The following XRN1 variants were observed in gnomAD, a reference collection of about 807,000 sequenced individuals.
The protein encoded by XRN1 is 5'-3' exoribonuclease 1.
In XRN1, 67 loss-of-function variants were observed where a neutral mutation model predicts 222.3. That is an observed-to-expected ratio of 0.30 (90% CI 0.25 to 0.37). The LOEUF (loss-of-function observed/expected upper bound fraction) is 0.37. XRN1 is among the 10% of genes least tolerant of loss of function. The pLI is 1.00. For synonymous variants in XRN1, 643 were observed against 652.4 expected, an observed-to-expected ratio of 0.99 and a Z score of 0.22; for missense variants, 1,707 against 2,000.2, an observed-to-expected ratio of 0.85 and a Z score of 2.80.
chr3:142,399,865 T>C (rs950097037), intron 19 of XRN1, among the ~76,000 whole-genome samples: 2 of 150,512 alleles, frequency 1.3e-5, no homozygotes, highest in Non-Finnish European at 3.0e-5. Flanking sequence ...TATCTACCCA[T>C]CTTCTCTGAA....
chr3:142,385,592 T>C (rs1456205887), intron 20 of XRN1, among the ~76,000 whole-genome samples: 1 of 152,168 alleles, frequency 6.6e-6, no homozygotes, highest in Non-Finnish European at 1.5e-5. Context: ...AGTTGAGTAG[T>C]TGTGACAGAC....
chr3:142,420,933 A>G, intron 10 of XRN1, 83 bp downstream of exon 10: 9 of 1,573,360 alleles, frequency 5.7e-6, no homozygotes, highest in South Asian at 1.1e-5. Context: ...ATCCCAAATC[A>G]TAAGAAGGAA....
intron 37 of XRN1, among the ~76,000 whole-genome samples, chr3:142,319,869 A>G (rs909386880): frequency 6.6e-6 from 1 of 152,022 alleles, no homozygotes; most frequent in Non-Finnish European, 1.5e-5. Flanking sequence ...ATAATATTAC[A>G]TGGTGTGTGT....
intron 13 of XRN1, among the ~76,000 whole-genome samples, chr3:142,416,337 C>T (rs1196011880): frequency 6.6e-6 from 1 of 152,108 alleles, no homozygotes; most frequent in Non-Finnish European, 1.5e-5. Flanking sequence ...GGCACACCAC[C>T]ATGCCCAGCT....
chr3:142,361,422 G>T lies in XRN1; in HGVS notation c.3395-1491C>A, dbSNP rs575031817. On this transcript the variant is annotated intron_variant, in intron 29 of 40. Coordinates refer to ENST00000392981, the MANE Select transcript of XRN1 (RefSeq NM_001282857.2). The stretch of plus-strand genomic sequence containing the variant: ...TAAATACCCACCTATGAATGGGATG[G>T]CTGGGCCCTATGCTATGATGTATGT... 4.6e-5 allele frequency among the ~76,000 whole-genome samples: 7 copies of T among 152,288 alleles called. 1 individual carries two copies. In the South Asian group the frequency reaches 1.5e-3, roughly 32 times the overall value.
Position 142,414,146 on chromosome 3 carries a change from C to T in XRN1, c.1582G>A (p.Ala528Thr), listed in dbSNP as rs1290168734. 2 of 1,611,850 alleles carry T rather than the reference C, an allele frequency of 1.2e-6. No individual in the cohort carries two copies. The highest frequency in any genetic ancestry group is 1.7e-6 in the Non-Finnish European group (2 of 1,179,064). The change falls in exon 14 of 41, where the codon GCA (alanine) becomes ACA (threonine). Residue 528 changes from alanine to threonine, a missense_variant. Ala to Thr is a moderately conservative substitution (Grantham distance 58). Transcript: ENST00000392981. ...LPAASKNLLP[A>T]CYQHLMTNED... ...ATTCTAAGACCCACCTGGTAGCATG[C>T]AGGAAGTAAATTTTTGCTGGCTGCT...
At chr3:142,352,124 A>G (rs1350879219) in intron 32 of XRN1, among the ~76,000 whole-genome samples, 1 of 152,198 alleles carries the variant, frequency 6.6e-6, no homozygotes, top group African/African-American at 2.4e-5. Flanking sequence ...CTTGGCCTAA[A>G]TTAACCTTCT....
intron 32 of XRN1, among the ~76,000 whole-genome samples, chr3:142,351,213 T>C (rs2066295656): frequency 6.6e-6 from 1 of 152,188 alleles, no homozygotes; most frequent in Non-Finnish European, 1.5e-5. Context: ...TCCAATAATT[T>C]AGCCCTAGAG....
At chr3:142,385,985 T>C (rs1206323191) in intron 20 of XRN1, among the ~76,000 whole-genome samples, 1 of 151,252 alleles carries the variant, frequency 6.6e-6, no homozygotes, top group East Asian at 1.9e-4. Context: ...TATAATATAG[T>C]ATATAATTAT....
intron 13 of XRN1, among the ~76,000 whole-genome samples, chr3:142,416,233 G>A (rs929540642): frequency 2.0e-5 from 3 of 152,134 alleles, no homozygotes; most frequent in African/African-American, 7.2e-5. Context: ...CTGGAGTGCA[G>A]TGGTGCGATC....
chr3:142,371,238 C>A lies in XRN1; in HGVS notation c.3068+1G>T. ...TAATAAATATCATAAATCTTGCTTA[C>A]CCATTCTCATTTTCTCCAGGCCAAA... On this transcript the variant is annotated splice_donor_variant, in intron 26 of 40. Transcript: ENST00000392981. LOFTEE classifies it high-confidence loss of function. 5 of 1,611,576 alleles carry A rather than the reference C, an allele frequency of 3.1e-6. No individual in the cohort carries two copies. Among genetic ancestry groups the A allele is most frequent in the Non-Finnish European group, 4.2e-6 (5 of 1,178,682 alleles).
intron 15 of XRN1, among the ~76,000 whole-genome samples, chr3:142,410,687 G>T (rs911473392): frequency 1.3e-5 from 2 of 151,754 alleles, no homozygotes; most frequent in African/African-American, 2.4e-5. Flanking sequence ...GTGGAGACGA[G>T]ATTTAATCTT....
At chr3:142,343,912 G>C (rs76589055) in intron 33 of XRN1, among the ~76,000 whole-genome samples, 4,950 of 152,214 alleles carry the variant, frequency 0.033, 251 homozygotes, top group African/African-American at 0.11. Context: ...CATAAAAAAA[G>C]AATGAGATCC....
intron 1 of XRN1, among the ~76,000 whole-genome samples, chr3:142,435,757 C>T (rs1288486002): frequency 1.6e-5 from 2 of 124,464 alleles, no homozygotes; most frequent in African/African-American, 7.2e-5. Context: ...ACTGTCCCCA[C>T]CCCCCAAAAA....
Position 142,329,574 on chromosome 3 carries a change from T to C in XRN1, c.4264A>G (p.Asn1422Asp). The change falls in exon 37 of 41, where the codon AAT (asparagine) becomes GAT (aspartate). Residue 1422 changes from asparagine to aspartate, a missense_variant. Transcript: ENST00000392981. ...NKPHSANEYH[N>D]VQSMDNMCWP... ...CACATATTGTCCATAGACTGAACATTATGGTACTCATTAGCACTGTGAGGC... is the reference window on the plus strand; with the variant it reads ...CACATATTGTCCATAGACTGAACATCATGGTACTCATTAGCACTGTGAGGC... 2 of 1,577,276 alleles carry C rather than the reference T, an allele frequency of 1.3e-6. No individual in the cohort carries two copies. Among genetic ancestry groups the C allele is most frequent in the South Asian group, 2.4e-5 (2 of 83,698 alleles).
intron 32 of XRN1, among the ~76,000 whole-genome samples, chr3:142,349,352 T>C (rs958426841): frequency 6.6e-6 from 1 of 152,078 alleles, no homozygotes; most frequent in Non-Finnish European, 1.5e-5. Flanking sequence ...TTATGGGTGA[T>C]TTTGACTCTA....
chr3:142,343,040 T>C (rs2066040585), intron 33 of XRN1, among the ~76,000 whole-genome samples: 1 of 152,034 alleles, frequency 6.6e-6, no homozygotes, highest in South Asian at 2.1e-4. Context: ...AGATGGATAA[T>C]AACCAGAATA....
In XRN1 at chr3:142,306,774, C is replaced by T. The variant is rs909592521; in HGVS notation, c.*4737G>A. ...TAACGTAACACCACAAAAATACATT[C>T]GGAGTCCATTCCAATGCAAGTTTAA... On this transcript the variant is annotated 3_prime_UTR_variant, in exon 41 of 41. Transcript: ENST00000392981. 4.6e-5 allele frequency: 7 copies of T among 152,578 alleles called. No individual in the cohort carries two copies. Among genetic ancestry groups the T allele is most frequent in the East Asian group, 1.9e-4 (1 of 5,202 alleles). The allele number at this position is 152,578 out of a possible 1,614,324, so 9.5% of individuals were successfully genotyped here. A position where few individuals can be genotyped will look rare whatever the true frequency, so the allele number is the denominator to read the frequency against.
intron 20 of XRN1, among the ~76,000 whole-genome samples, chr3:142,391,356 T>A (rs1335847852): frequency 6.6e-6 from 1 of 152,146 alleles, no homozygotes; most frequent in Non-Finnish European, 1.5e-5. Context: ...AATTCCCAAG[T>A]GGTTGGAAGA....
Sources: allele counts gnomAD v4.1 joint callset (sites outside exome capture counted in the v4.1 genomes callset), GRCh38; gene constraint gnomAD v4.1.1; transcripts MANE v1.5; gene names NCBI Gene and HGNC (gene_info 2026-07-23, HGNC 2026-07-21).